Variants in CYP2C19 observed in about 807,000 individuals in gnomAD.
CYP2C19 encodes the protein cytochrome P450 2C19.
In CYP2C19, 59 loss-of-function variants were observed where a neutral mutation model predicts 40.9. That is an observed-to-expected ratio of 1.44 (90% CI 1.17 to 1.79). The LOEUF (loss-of-function observed/expected upper bound fraction) is 1.79, where lower values mean the gene tolerates loss of function less well. CYP2C19 is among the 40% of genes most tolerant of loss of function. The pLI is 0.00. For missense variants in CYP2C19, 754 were observed against 596.9 expected (o/e 1.26, Z -2.74); for synonymous variants, 253 against 208.7 (o/e 1.21, Z -1.83).
At chr10:94,843,063 T>G in intron 7 of CYP2C19, 39 bp downstream of exon 7, 3 of 1,607,432 alleles carry the variant, frequency 1.9e-6, no homozygotes, top group Non-Finnish European at 2.6e-6. Context: ...CCATGTTCTT[T>G]TATTCCTCAA....
chr10:94,768,490 C>A (rs192474561), intron 1 of CYP2C19, among the ~76,000 whole-genome samples: 8 of 152,174 alleles, frequency 5.3e-5, no homozygotes, highest in African/African-American at 1.9e-4. Context: ...GGGTTGGGGG[C>A]TATGCCTGTA....
intron 6 of CYP2C19, among the ~76,000 whole-genome samples, chr10:94,830,148 G>A (rs1849306635): frequency 6.6e-6 from 1 of 152,156 alleles, no homozygotes. Context: ...GCCTACAGAG[G>A]CAGGCAGGCC....
At chr10:94,782,975 G>A (rs1236958665) in intron 5 of CYP2C19, among the ~76,000 whole-genome samples, 1 of 152,012 alleles carries the variant, frequency 6.6e-6, no homozygotes, top group Admixed American at 6.6e-5. Flanking sequence ...GGAGGGCTTG[G>A]GGAGGGATAA....
rs1309824990 is a variant in CYP2C19, at chr10:94,855,428, T to C, written c.*2514T>C. Among the ~76,000 whole-genome samples, 2 of 152,220 alleles carry C rather than the reference T, an allele frequency of 1.3e-5. No homozygotes were observed. Among genetic ancestry groups the C allele is most frequent in the African/African-American group, 2.4e-5 (1 of 41,464 alleles). ...ATTCTCTGCATTTATTTTTATTGTT[T>C]GTATTTCTTCCCTAAAATACATATT... is the stretch of plus-strand genomic sequence containing the variant. On this transcript the variant is annotated 3_prime_UTR_variant, in exon 9 of 9. Coordinates refer to ENST00000371321, the MANE Select transcript of CYP2C19 (RefSeq NM_000769.4).
In CYP2C19 at chr10:94,842,830, T is replaced by C. The variant is rs775646392; in HGVS notation, c.962-7T>C. ...TTTTCCATCAGTTCTTACTTGTGTCTTGTCAGCTAAAGTCCAGGAAGAGAT... is the reference window on the plus strand; with the variant it reads ...TTTTCCATCAGTTCTTACTTGTGTCCTGTCAGCTAAAGTCCAGGAAGAGAT... On this transcript the variant is annotated splice_region_variant and splice_polypyrimidine_tract_variant and intron_variant, in intron 6 of 8. Coordinates refer to ENST00000371321, the MANE Select transcript of CYP2C19 (RefSeq NM_000769.4). 6.2e-7 allele frequency: 1 copy of C among 1,614,106 alleles called. No individual in the cohort carries two copies. Among genetic ancestry groups the C allele is most frequent in the East Asian group, 2.2e-5 (1 of 44,886 alleles).
At chr10:94,836,368 G>A (rs1849403336) in intron 6 of CYP2C19, among the ~76,000 whole-genome samples, 1 of 152,172 alleles carries the variant, frequency 6.6e-6, no homozygotes, top group African/African-American at 2.4e-5. Context: ...CCTTGGACCT[G>A]TGTAAGGACT....
At chr10:94,852,242 AG>A (rs17884928) in intron 8 of CYP2C19, among the ~76,000 whole-genome samples, 1 of 151,918 alleles carries the variant, frequency 6.6e-6, no homozygotes, top group Non-Finnish European at 1.5e-5. Context: ...TTTTAAAGTG[AG>A]GGGGTAACAT....
intron 5 of CYP2C19, among the ~76,000 whole-genome samples, chr10:94,816,444 G>T (rs1056322612): frequency 6.6e-6 from 1 of 151,984 alleles, no homozygotes; most frequent in Non-Finnish European, 1.5e-5. Context: ...AGTGGTAACA[G>T]ATTAACAAAC....
At chr10:94,798,909 A>G (rs905985322) in intron 5 of CYP2C19, among the ~76,000 whole-genome samples, 2 of 141,826 alleles carry the variant, frequency 1.4e-5, no homozygotes, top group African/African-American at 5.3e-5. Context: ...TGCATGTGAG[A>G]TGCATCTCCT....
chr10:94,789,453 T>C (rs755403648), intron 5 of CYP2C19, among the ~76,000 whole-genome samples: 7 of 152,196 alleles, frequency 4.6e-5, no homozygotes, highest in Non-Finnish European at 2.9e-5. Context: ...GCGTAGGTTT[T>C]CTTCTAGGGT....
intron 1 of CYP2C19, among the ~76,000 whole-genome samples, chr10:94,765,823 G>A (rs1383441848): frequency 2.6e-5 from 4 of 152,074 alleles, no homozygotes; most frequent in African/African-American, 4.8e-5. Flanking sequence ...GATCAGTTGG[G>A]GCTTGAAGTT....
intron 5 of CYP2C19, among the ~76,000 whole-genome samples, chr10:94,795,141 T>A (rs1355790254): frequency 6.8e-6 from 1 of 145,996 alleles, no homozygotes; most frequent in Non-Finnish European, 1.5e-5. Flanking sequence ...TCTCCTAATG[T>A]TATCCCTCCC....
intron 5 of CYP2C19, among the ~76,000 whole-genome samples, chr10:94,786,125 C>T (rs149502267): frequency 1.6e-4 from 24 of 152,196 alleles, no homozygotes; most frequent in African/African-American, 5.3e-4. Context: ...AAACTACCTG[C>T]TCCTTAACCC....
intron 5 of CYP2C19, among the ~76,000 whole-genome samples, chr10:94,812,897 T>A (rs1848947256): frequency 1.3e-5 from 2 of 152,060 alleles, no homozygotes; most frequent in Admixed American, 6.5e-5. Context: ...TCCAGTTTTG[T>A]CCCCTTGCTG....
intron 7 of CYP2C19, among the ~76,000 whole-genome samples, chr10:94,849,655 C>T (rs530754589): frequency 2.0e-4 from 26 of 132,282 alleles, no homozygotes; most frequent in African/African-American, 5.1e-4. Flanking sequence ...CAACAGTCCC[C>T]GAAGTGTGAT....
chr10:94,821,056 CTGGGTGACAGAG>C (rs1000975577), intron 6 of CYP2C19, among the ~76,000 whole-genome samples: 3 of 151,842 alleles, frequency 2.0e-5, no homozygotes, highest in African/African-American at 7.3e-5. Context: ...GCACTCTAGC[CTGGGTGACAGAG>C]TGGGACCCTG....
At chr10:94,812,265 C>T (rs1334610415) in intron 5 of CYP2C19, among the ~76,000 whole-genome samples, 1 of 152,190 alleles carries the variant, frequency 6.6e-6, no homozygotes, top group Non-Finnish European at 1.5e-5. Context: ...GACAGGCTTC[C>T]CTTGGTGGTA....
intron 5 of CYP2C19, among the ~76,000 whole-genome samples, chr10:94,790,919 T>G (rs1324817198): frequency 1.3e-5 from 2 of 152,174 alleles, no homozygotes; most frequent in Admixed American, 6.5e-5. Flanking sequence ...TTTCTATTGA[T>G]TGGAATAGTT....
At chr10:94,798,956 G>A (rs573777436) in intron 5 of CYP2C19, among the ~76,000 whole-genome samples, 1 of 150,942 alleles carries the variant, frequency 6.6e-6, no homozygotes, top group South Asian at 2.1e-4. Flanking sequence ...CTTTTTATCC[G>A]ATTTTACAGT....
Sources: gnomAD v4.1 joint callset for allele counts (sites outside exome capture counted in the v4.1 genomes callset) on GRCh38, gnomAD v4.1.1 for gene constraint, MANE v1.5 for transcripts, NCBI Gene and HGNC (gene_info 2026-07-23, HGNC 2026-07-21) for gene names.